The following IL1RL1 variants were observed in gnomAD, a reference collection of about 807,000 sequenced individuals.
The protein encoded by IL1RL1 is interleukin 1 receptor like 1, also known as interleukin-1 receptor-like 1.
In IL1RL1, 32 loss-of-function variants were observed where a neutral mutation model predicts 50.9. The ratio of observed to expected loss-of-function variants is 0.63; its 90% confidence interval spans 0.47 to 0.84. The LOEUF (loss-of-function observed/expected upper bound fraction) is 0.84, where lower values mean the gene tolerates loss of function less well. Among genes scored for constraint, IL1RL1 ranks in the 40% least tolerant of loss-of-function variants. IL1RL1 has a pLI of 0.00. For synonymous variants in IL1RL1, 275 were observed against 236.0 expected, an observed-to-expected ratio of 1.17 and a Z score of -1.51; for missense variants, 773 against 662.9, an observed-to-expected ratio of 1.17 and a Z score of -1.82.
At chr2:102,325,475 A>G (rs1676970624) in intron 1 of IL1RL1, among the ~76,000 whole-genome samples, 1 of 152,230 alleles carries the variant, frequency 6.6e-6, no homozygotes, top group Non-Finnish European at 1.5e-5. Flanking sequence ...ACAGCTCCTC[A>G]CCAGCAATGG....
chr2:102,338,352 T>C, intron 2 of IL1RL1, 27 bp downstream of exon 2: 1 of 1,222,614 alleles, frequency 8.2e-7, no homozygotes, highest in Non-Finnish European at 1.2e-6. Flanking sequence ...AAGTATAATT[T>C]AAATTTTTAT....
intron 1 of IL1RL1, among the ~76,000 whole-genome samples, chr2:102,327,764 A>T (rs560573576): frequency 2.6e-4 from 39 of 152,380 alleles, no homozygotes; most frequent in African/African-American, 9.4e-4. Flanking sequence ...CAAGAAATGG[A>T]TAAATTCCTG....
intron 1 of IL1RL1, among the ~76,000 whole-genome samples, chr2:102,317,981 G>C (rs960630400): frequency 1.3e-5 from 2 of 152,146 alleles, no homozygotes; most frequent in Non-Finnish European, 2.9e-5. Context: ...GCAACAGGAA[G>C]GACAAAAGTG....
At chr2:102,350,277 A>G (rs1167055648) in intron 10 of IL1RL1, among the ~76,000 whole-genome samples, 2 of 152,356 alleles carry the variant, frequency 1.3e-5, no homozygotes, top group South Asian at 2.1e-4. Flanking sequence ...GAGCTCAACA[A>G]TGTGCCACAT....
chr2:102,311,724 ATATTAT>A (rs939084632), intron 1 of IL1RL1, 101 bp downstream of exon 1: 1 of 132,466 alleles, frequency 7.5e-6, no homozygotes, highest in African/African-American at 2.9e-5. Flanking sequence ...ATTCATTGTT[ATATTAT>A]TATAACATTA....
chr2:102,342,599 T>C (rs1314152831), intron 6 of IL1RL1, among the ~76,000 whole-genome samples: 1 of 152,232 alleles, frequency 6.6e-6, no homozygotes, highest in Non-Finnish European at 1.5e-5. Context: ...GTGTTCATTC[T>C]GGGCAATGGT....
rs375718586 is a variant in IL1RL1 at position 102,312,389 on chromosome 2, T to C, written c.-150+766T>C. Among the ~76,000 whole-genome samples the C allele has an allele frequency of 7.2e-5, 11 of 151,772 alleles. 1 individual carries two copies. In the East Asian group the frequency reaches 1.5e-3, roughly 21 times the overall value. On this transcript the variant is annotated intron_variant, in intron 1 of 10. Coordinates refer to ENST00000233954, the MANE Select transcript of IL1RL1 (RefSeq NM_016232.5). ...CATGGTACAGATTGATGAAATCCCT[T>C]GAAATCTTGTTTGTGTAATATGGGA...
At position 102,318,597 on chromosome 2, in the gene IL1RL1, G is replaced by A. The variant is rs576030925; in HGVS notation, c.-150+6974G>A. ...GTGGACGGCAGGTGTAACTGCAAGA[G>A]TGTAATCAGTATAGAGATGGTGTTT... On this transcript the variant is annotated intron_variant, in intron 1 of 10. Transcript: ENST00000233954. Among the ~76,000 whole-genome samples, 19 of 152,314 alleles carry A rather than the reference G, an allele frequency of 1.2e-4. No homozygotes were observed. In the East Asian group the frequency reaches 3.7e-3, roughly 29 times the overall value.
chr2:102,342,093 C>T (rs1677590284), intron 5 of IL1RL1, 130 bp from the exon 6 acceptor site: 2 of 483,262 alleles, frequency 4.1e-6, no homozygotes, highest in African/African-American at 2.5e-5. Flanking sequence ...GTGTGTTTGT[C>T]ATTATGGGTT....
Position 102,340,815 on chromosome 2 carries a change from C to T in IL1RL1, c.597C>T (p.Ser199=). 6.4e-7 allele frequency: 1 copy of T among 1,574,446 alleles called. No homozygotes were observed. Among genetic ancestry groups the T allele is most frequent in the Non-Finnish European group, 8.6e-7 (1 of 1,168,126 alleles). The part of the protein sequence containing the change: ...GANYSVTATR[S]FTVKDEQGFS... Reference sequence around the variant, plus strand: ...ATTATAGTGTGACGGCGACCAGGTCCTTCACGGTCAAGGGTAAGCTACTGA... The same window carrying T: ...ATTATAGTGTGACGGCGACCAGGTCTTTCACGGTCAAGGGTAAGCTACTGA... Residue 199 remains serine, a synonymous_variant, in exon 5 of 11, where the codon TCC becomes TCT. Coordinates refer to ENST00000233954, the MANE Select transcript of IL1RL1 (RefSeq NM_016232.5).
intron 5 of IL1RL1, among the ~76,000 whole-genome samples, 159 bp from the exon 6 acceptor site, chr2:102,342,046 CGTGTGTGTGTGTGTGTGT>C (rs67962088): frequency 4.2e-5 from 6 of 144,174 alleles, no homozygotes; most frequent in South Asian, 4.6e-4. Flanking sequence ...CTTTCTGTTT[CGTGTGTGTGTGTGTGTGT>C]GTGTGTGTGT....
chr2:102,351,631 G>T lies in IL1RL1; in HGVS notation c.1381G>T (p.Glu461Ter). 1.2e-6 allele frequency: 2 copies of T among 1,614,026 alleles called. No individual in the cohort carries two copies. Among genetic ancestry groups the T allele is most frequent in the South Asian group, 2.2e-5 (2 of 91,072 alleles). Residue 461 changes from glutamate to a stop codon, truncating the protein, a stop_gained, in exon 11 of 11, where the codon GAG becomes TAG. Coordinates refer to ENST00000233954, the MANE Select transcript of IL1RL1 (RefSeq NM_016232.5). LOFTEE classifies it low-confidence loss of function (END_TRUNC). ...QITHNKEFAY[E>*]QEVALHCALI... Reference sequence around the variant, plus strand: ...CACTCACAATAAGGAGTTTGCCTACGAGCAGGAGGTTGCCCTGCACTGTGC... The same window carrying T: ...CACTCACAATAAGGAGTTTGCCTACTAGCAGGAGGTTGCCCTGCACTGTGC...
intron 1 of IL1RL1, among the ~76,000 whole-genome samples, chr2:102,317,821 G>T (rs1434933738): frequency 1.3e-5 from 2 of 152,018 alleles, no homozygotes; most frequent in African/African-American, 4.8e-5. Flanking sequence ...TTGGTCAAAG[G>T]GTGGGAGAGG....
intron 2 of IL1RL1, 47 bp from the exon 3 acceptor site, chr2:102,338,790 T>G (rs1677426765): frequency 1.4e-6 from 2 of 1,398,094 alleles, no homozygotes; most frequent in Non-Finnish European, 2.0e-6. Flanking sequence ...AATTATGATC[T>G]TTTCATTTGA....
intron 1 of IL1RL1, among the ~76,000 whole-genome samples, chr2:102,333,919 C>T (rs1308650951): frequency 6.6e-5 from 10 of 152,214 alleles, no homozygotes; most frequent in African/African-American, 2.4e-4. Context: ...TAATCTCATT[C>T]TTTTTATGGC....
At chr2:102,350,869 G>A (rs966429721) in intron 10 of IL1RL1, among the ~76,000 whole-genome samples, 27 of 152,252 alleles carry the variant, frequency 1.8e-4, no homozygotes, top group Non-Finnish European at 3.1e-4. Context: ...TTTTATTCAC[G>A]GTTGTGCTTT....
intron 1 of IL1RL1, among the ~76,000 whole-genome samples, chr2:102,312,017 T>C (rs1676524589): frequency 2.7e-5 from 1 of 36,910 alleles, no homozygotes; most frequent in South Asian, 4.5e-4. Context: ...ATATATTATA[T>C]ATAATATATA....
intron 1 of IL1RL1, among the ~76,000 whole-genome samples, chr2:102,329,026 G>T (rs576746343): frequency 1.3e-5 from 2 of 152,224 alleles, no homozygotes; most frequent in South Asian, 2.1e-4. Context: ...AGCCCACATT[G>T]CCAAGTCAAT....
Position 102,340,229 on chromosome 2 carries a change from C to T in IL1RL1, c.404C>T (p.Thr135Ile). 1 of 1,605,308 alleles carries T rather than the reference C, an allele frequency of 6.2e-7. No homozygotes were observed. Among genetic ancestry groups the T allele is most frequent in the South Asian group, 1.1e-5 (1 of 89,114 alleles). ...SEKNSKIYCP[T>I]IDLYNWTAPL... Reference sequence around the variant, plus strand: ...AAAAATTCCAAAATTTATTGTCCTACCATTGACCTCTACAACTGGACAGCA... The same window carrying T: ...AAAAATTCCAAAATTTATTGTCCTATCATTGACCTCTACAACTGGACAGCA... Residue 135 changes from threonine to isoleucine, a missense_variant, in exon 4 of 11, where the codon ACC (threonine) becomes ATC (isoleucine). Thr to Ile is a moderately conservative substitution (Grantham distance 89). Coordinates refer to ENST00000233954, the MANE Select transcript of IL1RL1 (RefSeq NM_016232.5).
Sources: allele counts gnomAD v4.1 joint callset (sites outside exome capture counted in the v4.1 genomes callset), GRCh38; gene constraint gnomAD v4.1.1; transcripts MANE v1.5; gene names NCBI Gene and HGNC (gene_info 2026-07-23, HGNC 2026-07-21).